SLC12A3: variants seen among roughly 807,000 people sequenced by gnomAD.
The protein encoded by SLC12A3 is solute carrier family 12 member 3.
Under a neutral mutation model 121.0 loss-of-function variants are expected in SLC12A3, and 104 were observed. The observed-to-expected ratio is 0.86, with a 90% CI of 0.73 to 1.01. The LOEUF (loss-of-function observed/expected upper bound fraction) is 1.01. Ranked by LOEUF, SLC12A3 falls within the 50% of genes least tolerant of loss-of-function variation. The pLI, the probability that SLC12A3 is intolerant of heterozygous loss-of-function variation, is 0.00. For missense variants in SLC12A3, 1,328 were observed against 1,356.3 expected, an observed-to-expected ratio of 0.98 and a Z score of 0.33; for synonymous variants, 536 against 533.4, an observed-to-expected ratio of 1.00 and a Z score of -0.07.
chr16:56,878,090 CCA>C lies in SLC12A3; in HGVS notation c.1110_1111del (p.Ile371ProfsTer29). On this transcript the variant is annotated frameshift_variant, in exon 9 of 26. Coordinates refer to ENST00000563236, the MANE Select transcript of SLC12A3 (RefSeq NM_001126108.2). LOFTEE classifies it high-confidence loss of function. ...TCCCTCCTTCAGGACCCTGCTATAG[CCA>C]TCCCCAAGGGGACCCTCATGGCCAT... 1 of 1,527,370 alleles carries C rather than the reference CCA, an allele frequency of 6.5e-7. No individual in the cohort carries two copies. Among genetic ancestry groups the C allele is most frequent in the Non-Finnish European group, 8.9e-7 (1 of 1,124,018 alleles). 94.6% of individuals were successfully genotyped at this position (1,527,370 alleles called of 1,614,324 possible).
intron 20 of SLC12A3, 23 bp downstream of exon 20, chr16:56,892,156 C>T (rs145461134): frequency 1.4e-5 from 23 of 1,612,010 alleles, no homozygotes; most frequent in Admixed American, 3.3e-5. Flanking sequence ...CAGTCTCTGG[C>T]GCTTGTCAGT....
At chr16:56,898,318 G>A (rs1191039816) in intron 22 of SLC12A3, among the ~76,000 whole-genome samples, 1 of 152,086 alleles carries the variant, frequency 6.6e-6, no homozygotes, top group Admixed American at 6.6e-5. Context: ...ACCCAGTCTG[G>A]AGTGCAGTCG....
chr16:56,905,861 C>T (rs1432285163), intron 25 of SLC12A3, among the ~76,000 whole-genome samples: 3 of 152,134 alleles, frequency 2.0e-5, no homozygotes, highest in Non-Finnish European at 2.9e-5. Context: ...GGGCATGAAA[C>T]GTCAGGGTAT....
At position 56,878,079 on chromosome 16, in the gene SLC12A3, C is replaced by A. The variant is rs1254233430; in HGVS notation, c.1098C>A (p.Asp366Glu). 6.7e-7 allele frequency: 1 copy of A among 1,497,400 alleles called. No homozygotes were observed. Among genetic ancestry groups the A allele is most frequent in the Non-Finnish European group, 9.1e-7 (1 of 1,103,306 alleles). 92.8% of individuals were successfully genotyped at this position (1,497,400 alleles called of 1,614,324 possible). A position where few individuals can be genotyped will look rare whatever the true frequency, so the allele number is the denominator to read the frequency against. The stretch of plus-strand genomic sequence containing the variant: ...CCCTCTCTCCCTCCCTCCTTCAGGA[C>A]CCTGCTATAGCCATCCCCAAGGGGA... The part of the protein sequence containing the change: ...AGANISGDLK[D>E]PAIAIPKGTL... The change falls in exon 9 of 26, where the codon GAC becomes GAA. Residue 366 changes from aspartate to glutamate, a missense_variant and splice_region_variant. Coordinates refer to ENST00000563236, the MANE Select transcript of SLC12A3 (RefSeq NM_001126108.2).
intron 18 of SLC12A3, among the ~76,000 whole-genome samples, chr16:56,888,549 A>AT (rs749206626): frequency 0.42 from 35,698 of 84,880 alleles, 10,729 homozygotes; most frequent in East Asian, 0.59. Context: ...AGATCTTTTA[A>AT]TTTTTTTTTT....
At position 56,870,483 on chromosome 16, in the gene SLC12A3, G is replaced by A. The variant is rs1282688752; in HGVS notation, c.742-143G>A. ...CCAGGCCCGTGCAGCAGCTGCTTTGGGGACTCGATGGCAGGGGTGGTGCTT... is the reference window on the plus strand; with the variant it reads ...CCAGGCCCGTGCAGCAGCTGCTTTGAGGACTCGATGGCAGGGGTGGTGCTT... On this transcript the variant is annotated intron_variant, in intron 5 of 25. Transcript: ENST00000563236. 9 of 758,478 alleles carry A rather than the reference G, an allele frequency of 1.2e-5. No individual in the cohort carries two copies. The East Asian group carries it at 2.4e-4, about 20-fold the overall frequency. The allele number at this position is 758,478 out of a possible 1,614,324, so 47.0% of individuals were successfully genotyped here.
intron 22 of SLC12A3, among the ~76,000 whole-genome samples, chr16:56,894,991 A>G (rs529384316): frequency 3.1e-4 from 47 of 150,840 alleles, no homozygotes; most frequent in Non-Finnish European, 6.0e-4. Flanking sequence ...TTTTAAATTT[A>G]AAGTTAAGAA....
rs55644914 is a variant in SLC12A3 at position 56,908,161 on chromosome 16, C to CTTTTTTTTTTT, written c.2924+3708_2924+3718dup. Among the ~76,000 whole-genome samples, 50 of 96,960 alleles carry CTTTTTTTTTTT rather than the reference C, an allele frequency of 5.2e-4. 3 individuals are homozygous for CTTTTTTTTTTT. The highest frequency in any genetic ancestry group is 2.0e-3 in the African/African-American group (44 of 21,862). The allele number at this position is 96,960 out of a possible 152,430, so 63.6% of individuals were successfully genotyped here. On this transcript the variant is annotated intron_variant, in intron 25 of 25. Coordinates refer to ENST00000563236, the MANE Select transcript of SLC12A3 (RefSeq NM_001126108.2). ...ATTCATTTCTCAGATAGTGATATAACTTTTTTTTTTTTTTTTTTTGAGGCA... is the reference window on the plus strand; with the variant it reads ...ATTCATTTCTCAGATAGTGATATAACTTTTTTTTTTTTTTTTTTTTTTTTTTTTTTGAGGCA...
In SLC12A3 at chr16:56,908,161, CT is replaced by C. The variant is rs55644914; in HGVS notation, c.2924+3718del. ...ATTCATTTCTCAGATAGTGATATAA[CT>C]TTTTTTTTTTTTTTTTTTGAGGCAG... On this transcript the variant is annotated intron_variant, in intron 25 of 25. Transcript: ENST00000563236. Among the ~76,000 whole-genome samples the C allele has an allele frequency of 2.7e-3, 260 of 96,962 alleles. 1 individual carries two copies. Among genetic ancestry groups the C allele is most frequent in the African/African-American group, 4.8e-3 (104 of 21,866 alleles). 63.6% of individuals were successfully genotyped at this position (96,962 alleles called of 152,430 possible).
rs80159054 is a variant in SLC12A3 at position 56,902,746 on chromosome 16, A to G, written c.2856+238A>G. ...CTGCCCATCTTGAGTGAGCTCTGGC[A>G]GTGGGCTTGACTGCCCGGAGTCCTC... On this transcript the variant is annotated intron_variant, in intron 24 of 25. Transcript: ENST00000563236. 0.21 allele frequency among the ~76,000 whole-genome samples: 31,585 copies of G among 152,038 alleles called. 4,014 individuals are homozygous for G. Among genetic ancestry groups the G allele is most frequent in the African/African-American group, 0.36 (14,996 of 41,426 alleles).
intron 13 of SLC12A3, 105 bp from the exon 14 acceptor site, chr16:56,883,944 G>A (rs867515679): frequency 1.7e-4 from 219 of 1,305,280 alleles, no homozygotes; most frequent in Non-Finnish European, 2.1e-4. Flanking sequence ...CTGGGACCCC[G>A]GCTCTGGGCA....
At chr16:56,878,975 A>G in intron 9 of SLC12A3, 98 bp from the exon 10 acceptor site, 1 of 1,416,994 alleles carries the variant, frequency 7.1e-7, no homozygotes. Context: ...ACAGCTGCCC[A>G]TCATCTGCAG....
At chr16:56,866,963 C>T (rs902144813) in intron 1 of SLC12A3, 107 bp from the exon 2 acceptor site, 13 of 1,463,554 alleles carry the variant, frequency 8.9e-6, no homozygotes, top group East Asian at 2.3e-5. Flanking sequence ...GCTGAGGGGT[C>T]GGGGGGTGCT....
rs756702258 is a variant in SLC12A3, at chr16:56,892,087, C to T, written c.2373C>T (p.Asn791=). Residue 791 remains asparagine, a synonymous_variant, in exon 20 of 26, where the codon AAC becomes AAT. Coordinates refer to ENST00000563236, the MANE Select transcript of SLC12A3 (RefSeq NM_001126108.2). The stretch of plus-strand genomic sequence containing the variant: ...AAGCTGCCTCTTCTTTTGCAGTTAA[C>T]CCCGTGTTTGACCCAGCGGAGGACG... ...NVSKMMQAHI[N]PVFDPAEDGK... 1.9e-6 allele frequency: 3 copies of T among 1,613,206 alleles called. No homozygotes were observed. Among genetic ancestry groups the T allele is most frequent in the Non-Finnish European group, 2.5e-6 (3 of 1,179,212 alleles).
intron 16 of SLC12A3, among the ~76,000 whole-genome samples, chr16:56,886,691 C>A (rs891397748): frequency 6.6e-6 from 1 of 152,150 alleles, no homozygotes; most frequent in Admixed American, 6.5e-5. Context: ...GCCAGGCACC[C>A]CCCATGGACC....
At chr16:56,904,595 T>A (rs2055582803) in intron 25 of SLC12A3, 133 bp downstream of exon 25, 3 of 841,304 alleles carry the variant, frequency 3.6e-6, no homozygotes, top group African/African-American at 1.7e-5. Flanking sequence ...AAAGTTCCCA[T>A]AAACATAGCC....
Position 56,865,532 on chromosome 16 carries a change from A to T in SLC12A3, c.282+15A>T. ...CCTTCCTCAAGGTAAGTGCTGTCTC[A>T]GAAGACTGGCCACTTCCCTGCTGTG... On this transcript the variant is annotated intron_variant, in intron 1 of 25. Coordinates refer to ENST00000563236, the MANE Select transcript of SLC12A3 (RefSeq NM_001126108.2). The T allele has an allele frequency of 2.5e-6, 4 of 1,608,872 alleles. No homozygotes were observed. The highest frequency in any genetic ancestry group is 3.4e-6 in the Non-Finnish European group (4 of 1,179,940).
chr16:56,865,997 T>C lies in SLC12A3; in HGVS notation c.282+480T>C, dbSNP rs1333174567. 4.5e-3 allele frequency among the ~76,000 whole-genome samples: 679 copies of C among 151,698 alleles called. 9 individuals are homozygous for C. The highest frequency in any genetic ancestry group is 0.016 in the African/African-American group (645 of 41,344). ...TTTTCTTTTCTTTTCTTTTCTTTTT[T>C]TTTTTTGAGACGGAGTCTGGCTCTG... On this transcript the variant is annotated intron_variant, in intron 1 of 25. Transcript: ENST00000563236.
At chr16:56,904,227 G>A (rs764315800) in intron 24 of SLC12A3, 168 bp from the exon 25 acceptor site, 2 of 676,802 alleles carry the variant, frequency 3.0e-6, no homozygotes, top group East Asian at 5.8e-5. Context: ...TTACTCTGAG[G>A]GTCCCCTTCT....
Sources: gnomAD v4.1 joint callset for allele counts (sites outside exome capture counted in the v4.1 genomes callset) on GRCh38, gnomAD v4.1.1 for gene constraint, MANE v1.5 for transcripts, NCBI Gene and HGNC (gene_info 2026-07-23, HGNC 2026-07-21) for gene names.